DHX15: variants seen among roughly 807,000 people sequenced by gnomAD.
The protein encoded by DHX15 is ATP-dependent RNA helicase DHX15.
DHX15 carries 11 observed loss-of-function variants against 94.4 expected under a neutral mutation model. The ratio of observed to expected loss-of-function variants is 0.12; its 90% CI spans 0.07 to 0.19. The LOEUF (loss-of-function observed/expected upper bound fraction) is 0.19, where lower values mean the gene tolerates loss of function less well. DHX15 is among the 10% of genes least tolerant of loss of function. The pLI, the probability that DHX15 is intolerant of heterozygous loss-of-function variation, is 1.00. For synonymous variants in DHX15, 338 were observed against 329.9 expected (o/e 1.02, Z -0.27); for missense variants, 304 against 988.5 (o/e 0.31, Z 9.29).
At chr4:24,547,924 T>C (rs1381856266) in intron 6 of DHX15, among the ~76,000 whole-genome samples, 1 of 54,324 alleles carries the variant, frequency 1.8e-5, no homozygotes, top group African/African-American at 8.3e-5. Context: ...TATATATATA[T>C]ATATATATAT....
At chr4:24,563,980 TG>T (rs2109005459) in intron 3 of DHX15, among the ~76,000 whole-genome samples, 1 of 145,440 alleles carries the variant, frequency 6.9e-6, no homozygotes, top group Non-Finnish European at 1.5e-5. Context: ...GGCAGGAGAA[TG>T]GTGTGAACCT....
intron 10 of DHX15, among the ~76,000 whole-genome samples, chr4:24,539,462 T>G (rs1471227020): frequency 6.6e-6 from 1 of 152,318 alleles, no homozygotes; most frequent in South Asian, 2.1e-4. Context: ...ATTTTATTGT[T>G]ACTAAAAACA....
In DHX15 at chr4:24,584,467, C is replaced by T. The variant is rs1722562278; in HGVS notation, c.-74G>A. The T allele has an allele frequency of 1.4e-6, 2 of 1,454,184 alleles. No individual in the cohort carries two copies. Among genetic ancestry groups the T allele is most frequent in the Admixed American group, 2.0e-5 (1 of 50,780 alleles). The allele number at this position is 1,454,184 out of a possible 1,614,324, so 90.1% of individuals were successfully genotyped here. On this transcript the variant is annotated 5_prime_UTR_variant, in exon 1 of 14. The change creates a new upstream start codon in the 5' untranslated region. Coordinates refer to ENST00000336812, the MANE Select transcript of DHX15 (RefSeq NM_001358.3). The stretch of plus-strand genomic sequence containing the variant: ...GTATGGGCACAGTCGAGGACAGCCA[C>T]TTAACTCTGGAGGACCCCCACCCCT...
intron 5 of DHX15, 38 bp downstream of exon 5, chr4:24,554,687 T>C (rs776528184): frequency 2.7e-6 from 4 of 1,500,774 alleles, no homozygotes; most frequent in Non-Finnish European, 3.7e-6. Flanking sequence ...AGAAACAGTA[T>C]GTCAAAAGCT....
chr4:24,554,217 C>T (rs1358781935), intron 5 of DHX15, among the ~76,000 whole-genome samples: 6 of 149,074 alleles, frequency 4.0e-5, no homozygotes, highest in Non-Finnish European at 8.9e-5. Context: ...GACTCCGTCT[C>T]GAAAAAAAAA....
At chr4:24,578,314 AT>A (rs1236782663) in intron 1 of DHX15, among the ~76,000 whole-genome samples, 13 of 152,236 alleles carry the variant, frequency 8.5e-5, no homozygotes, top group African/African-American at 3.1e-4. Context: ...GTGACTGTTA[AT>A]TAAGTGTTTA....
intron 11 of DHX15, chr4:24,534,195 T>C (rs1721147342): frequency 6.6e-6 from 1 of 152,202 alleles, no homozygotes; most frequent in Non-Finnish European, 1.5e-5. Flanking sequence ...GACATTTAAA[T>C]CAAAGCACTG....
intron 11 of DHX15, chr4:24,533,740 T>C (rs1721138219): frequency 6.6e-6 from 1 of 152,226 alleles, no homozygotes; most frequent in Non-Finnish European, 1.5e-5. Context: ...GCTCAACCTG[T>C]AGCATCATGA....
At chr4:24,552,184 G>C (rs1721623825) in intron 5 of DHX15, among the ~76,000 whole-genome samples, 1 of 152,164 alleles carries the variant, frequency 6.6e-6, no homozygotes, top group Non-Finnish European at 1.5e-5. Flanking sequence ...TGGAGGAAAA[G>C]AAGTTTCAAC....
At chr4:24,532,735 C>T (rs1309469268) in intron 12 of DHX15, 129 bp downstream of exon 12, 4 of 659,338 alleles carry the variant, frequency 6.1e-6, no homozygotes, top group South Asian at 2.9e-5. Context: ...CTGGATGTAC[C>T]AACATTTAAG....
At chr4:24,566,195 A>T (rs555357323) in intron 3 of DHX15, among the ~76,000 whole-genome samples, 4 of 151,888 alleles carry the variant, frequency 2.6e-5, no homozygotes, top group Non-Finnish European at 5.9e-5. Flanking sequence ...ACATACCACC[A>T]CACCTGGCTC....
At chr4:24,566,352 C>T (rs763632773) in intron 3 of DHX15, among the ~76,000 whole-genome samples, 2 of 151,712 alleles carry the variant, frequency 1.3e-5, no homozygotes, top group Admixed American at 6.6e-5. Flanking sequence ...TATTTTTAAA[C>T]GAAGTTGTCT....
intron 3 of DHX15, among the ~76,000 whole-genome samples, chr4:24,569,675 C>CT (rs1264879350): frequency 4.6e-5 from 7 of 151,186 alleles, no homozygotes; most frequent in Middle Eastern, 6.8e-3. Context: ...AACAAAGACT[C>CT]TGACAACAAA....
chr4:24,529,995 T>C, intron 12 of DHX15: 1 of 560,312 alleles, frequency 1.8e-6, no homozygotes, highest in Non-Finnish European at 3.1e-6. Flanking sequence ...AATGGTTTAT[T>C]TATCTTTAAT....
chr4:24,536,289 T>C (rs1016329536), intron 11 of DHX15, among the ~76,000 whole-genome samples: 1 of 152,180 alleles, frequency 6.6e-6, no homozygotes, highest in Non-Finnish European at 1.5e-5. Flanking sequence ...GCCAATTTTT[T>C]TTTTACCACC....
At chr4:24,562,093 G>A (rs1721884939) in intron 3 of DHX15, among the ~76,000 whole-genome samples, 1 of 129,198 alleles carries the variant, frequency 7.7e-6, no homozygotes, top group Non-Finnish European at 1.6e-5. Context: ...CTGAGATTGG[G>A]TCACTGCACT....
chr4:24,584,463 G>T lies in DHX15; in HGVS notation c.-70C>A, dbSNP rs888603813. On this transcript the variant is annotated 5_prime_UTR_variant, in exon 1 of 14. In the 5' UTR this introduces an upstream ATG that the reference lacks. Coordinates refer to ENST00000336812, the MANE Select transcript of DHX15 (RefSeq NM_001358.3). ...TGCTGTATGGGCACAGTCGAGGACAGCCACTTAACTCTGGAGGACCCCCAC... is the reference window on the plus strand; with the variant it reads ...TGCTGTATGGGCACAGTCGAGGACATCCACTTAACTCTGGAGGACCCCCAC... The T allele has an allele frequency of 6.1e-6, 9 of 1,469,054 alleles. No individual in the cohort carries two copies. The African/African-American group carries it at 1.3e-4, about 21-fold the overall frequency. 91.0% of individuals were successfully genotyped at this position (1,469,054 alleles called of 1,614,324 possible).
intron 5 of DHX15, among the ~76,000 whole-genome samples, chr4:24,551,808 A>T (rs2109404745): frequency 6.6e-6 from 1 of 152,344 alleles, no homozygotes; most frequent in East Asian, 1.9e-4. Flanking sequence ...TGAAAAATAA[A>T]TGCTCAGAAA....
chr4:24,544,585 G>C (rs2109398811), intron 6 of DHX15, among the ~76,000 whole-genome samples: 1 of 152,276 alleles, frequency 6.6e-6, no homozygotes, highest in South Asian at 2.1e-4. Context: ...GGTGAAACTT[G>C]AATAAGCATA....
Sources: gnomAD v4.1 joint callset for allele counts (sites outside exome capture counted in the v4.1 genomes callset) on GRCh38, gnomAD v4.1.1 for gene constraint, MANE v1.5 for transcripts, NCBI Gene and HGNC (gene_info 2026-07-23, HGNC 2026-07-21) for gene names.